MAGI1: variants seen among roughly 807,000 people sequenced by gnomAD.
The protein encoded by MAGI1 is membrane associated guanylate kinase, WW and PDZ domain containing 1, also known as membrane-associated guanylate kinase, WW and PDZ domain-containing protein 1.
MAGI1 carries 58 observed loss-of-function variants against 139.9 expected under a neutral mutation model. The ratio of observed to expected loss-of-function variants is 0.41; its 90% CI spans 0.34 to 0.52. MAGI1 has a LOEUF of 0.52. MAGI1 is among the 20% of genes least tolerant of loss of function. The pLI, the probability that MAGI1 is intolerant of heterozygous loss-of-function variation, is 0.12. For synonymous variants in MAGI1, 812 were observed against 737.9 expected (o/e 1.10, Z -1.63); for missense variants, 1,874 against 1,901.6 (o/e 0.99, Z 0.27).
At chr3:65,446,960 C>CTGAT (rs1948720136) in intron 7 of MAGI1, among the ~76,000 whole-genome samples, 1 of 152,178 alleles carries the variant, frequency 6.6e-6, no homozygotes, top group Non-Finnish European at 1.5e-5. Flanking sequence ...CCAACCATGA[C>CTGAT]TGATTATCTT....
intron 2 of MAGI1, among the ~76,000 whole-genome samples, chr3:65,515,536 A>C (rs192590173): frequency 6.6e-6 from 1 of 152,216 alleles, no homozygotes; most frequent in Admixed American, 6.5e-5. Context: ...GGGCCTGATC[A>C]AATCTTTGGT....
Position 66,038,513 on chromosome 3 carries a change from G to C in MAGI1, c.-205C>G. 1.5e-6 allele frequency: 1 copy of C among 685,624 alleles called. No homozygotes were observed. The highest frequency in any genetic ancestry group is 3.2e-5 in the South Asian group (1 of 31,250). The allele number at this position is 685,624 out of a possible 1,614,324, so 42.5% of individuals were successfully genotyped here. ...ACAAACTTTCTGGGCTTCCCCGCGAGCCCCGCACAGGCGCCCGCGAGCTTT... is the reference window on the plus strand; with the variant it reads ...ACAAACTTTCTGGGCTTCCCCGCGACCCCCGCACAGGCGCCCGCGAGCTTT... On this transcript the variant is annotated 5_prime_UTR_variant, in exon 1 of 23. Coordinates refer to ENST00000402939, the MANE Select transcript of MAGI1 (RefSeq NM_001033057.2).
At chr3:65,779,860 T>C (rs2038787171) in intron 1 of MAGI1, among the ~76,000 whole-genome samples, 1 of 152,216 alleles carries the variant, frequency 6.6e-6, no homozygotes, top group Admixed American at 6.5e-5. Flanking sequence ...AGCTAGTTCC[T>C]GTTATCGATT....
intron 1 of MAGI1, among the ~76,000 whole-genome samples, chr3:65,886,258 T>C (rs903676125): frequency 6.6e-6 from 1 of 152,208 alleles, no homozygotes; most frequent in African/African-American, 2.4e-5. Context: ...AGCAAGATTA[T>C]ATGTTGTATT....
intron 2 of MAGI1, among the ~76,000 whole-genome samples, chr3:65,542,925 T>A (rs2079309698): frequency 1.3e-5 from 2 of 152,094 alleles, no homozygotes; most frequent in South Asian, 4.1e-4. Context: ...CTAAAGAGCT[T>A]CTGCTCAGCA....
chr3:65,850,877 C>A (rs534388476), intron 1 of MAGI1, among the ~76,000 whole-genome samples: 1 of 151,886 alleles, frequency 6.6e-6, no homozygotes, highest in Non-Finnish European at 1.5e-5. Context: ...GAGGCCGAGG[C>A]GGGCGGATCA....
At chr3:65,551,490 CAG>C in intron 2 of MAGI1, among the ~76,000 whole-genome samples, 1 of 152,128 alleles carries the variant, frequency 6.6e-6, no homozygotes, top group African/African-American at 2.4e-5. Flanking sequence ...TTAGTAGAGA[CAG>C]GGTTTCACTG....
chr3:65,982,512 T>C (rs2065638518), intron 1 of MAGI1, among the ~76,000 whole-genome samples: 1 of 152,234 alleles, frequency 6.6e-6, no homozygotes, highest in Non-Finnish European at 1.5e-5. Context: ...AATGCCAGAA[T>C]ACAGCTGTAA....
At chr3:65,531,401 T>C (rs9847579) in intron 2 of MAGI1, among the ~76,000 whole-genome samples, 4,368 of 152,154 alleles carry the variant, frequency 0.029, 202 homozygotes, top group African/African-American at 0.097. Context: ...GGGTGAAGGG[T>C]ACACAGGAAC....
intron 1 of MAGI1, among the ~76,000 whole-genome samples, chr3:65,869,897 A>G (rs146613045): frequency 2.6e-5 from 4 of 152,174 alleles, no homozygotes; most frequent in African/African-American, 9.7e-5. Context: ...ACACATGTGC[A>G]GCACGTGGCC....
intron 2 of MAGI1, among the ~76,000 whole-genome samples, chr3:65,531,400 G>C (rs1259992750): frequency 3.3e-5 from 5 of 152,176 alleles, no homozygotes; most frequent in African/African-American, 1.2e-4. Context: ...CGGGTGAAGG[G>C]TACACAGGAA....
intron 1 of MAGI1, among the ~76,000 whole-genome samples, chr3:65,642,846 A>G (rs2085056551): frequency 6.6e-6 from 1 of 152,206 alleles, no homozygotes; most frequent in Non-Finnish European, 1.5e-5. Context: ...ACCTGCCTGG[A>G]AATTAAATCA....
intron 2 of MAGI1, among the ~76,000 whole-genome samples, chr3:65,621,743 G>A (rs73835611): frequency 0.012 from 1,802 of 152,218 alleles, 35 homozygotes; most frequent in African/African-American, 0.041. Context: ...GTGAAAAGTG[G>A]GCCTTACAAA....
chr3:65,399,812 C>G (rs780351151), intron 13 of MAGI1, among the ~76,000 whole-genome samples: 1 of 152,116 alleles, frequency 6.6e-6, no homozygotes, highest in Non-Finnish European at 1.5e-5. Flanking sequence ...TTGGGGGAAA[C>G]AGAAATGCAA....
rs182549731 is a variant in MAGI1 at position 65,691,164 on chromosome 3, G to A, written c.314-69076C>T. On this transcript the variant is annotated intron_variant, in intron 1 of 22. Coordinates refer to ENST00000402939, the MANE Select transcript of MAGI1 (RefSeq NM_001033057.2). ...AAAAATACAAAAAAATTAGCCGGGC[G>A]TGGTGGCGGGCGCCTGTAGTCCCAG... 2.3e-3 allele frequency among the ~76,000 whole-genome samples: 353 copies of A among 152,014 alleles called. 3 individuals carry two copies. The highest frequency in any genetic ancestry group is 8.0e-3 in the African/African-American group (330 of 41,486).
intron 12 of MAGI1, among the ~76,000 whole-genome samples, chr3:65,409,633 AT>A (rs34549703): frequency 1.6e-4 from 24 of 150,382 alleles, no homozygotes; most frequent in South Asian, 1.3e-3. Context: ...AACATGTTTC[AT>A]TTTTTTTTTC....
intron 1 of MAGI1, among the ~76,000 whole-genome samples, chr3:65,817,751 A>T (rs1416426680): frequency 6.6e-6 from 1 of 152,202 alleles, no homozygotes; most frequent in Non-Finnish European, 1.5e-5. Context: ...TCATCAAAGT[A>T]ACAACTACTG....
intron 1 of MAGI1, chr3:65,687,587 T>C (rs928635397): frequency 2.6e-5 from 10 of 386,726 alleles, no homozygotes; most frequent in Admixed American, 1.1e-4. Flanking sequence ...ACATCTGAAG[T>C]GCAAATTGAA....
At chr3:65,704,935 C>T (rs1035952271) in intron 1 of MAGI1, among the ~76,000 whole-genome samples, 1 of 152,068 alleles carries the variant, frequency 6.6e-6, no homozygotes, top group African/African-American at 2.4e-5. Context: ...CGGCTTTCTA[C>T]TACTGCACAG....
Sources: allele counts gnomAD v4.1 joint callset (sites outside exome capture counted in the v4.1 genomes callset), GRCh38; gene constraint gnomAD v4.1.1; transcripts MANE v1.5; gene names NCBI Gene and HGNC (gene_info 2026-07-23, HGNC 2026-07-21).